Variants in ROR1 observed in about 807,000 individuals in gnomAD.
ROR1 encodes the protein ROR family WNT receptor 1, also known as inactive tyrosine-protein kinase transmembrane receptor ROR1.
ROR1 carries 19 observed loss-of-function variants against 78.8 expected under a neutral mutation model. The observed-to-expected ratio is 0.24, with a 90% CI of 0.17 to 0.35. ROR1 has a LOEUF of 0.35. Among genes scored for constraint, ROR1 ranks in the 10% least tolerant of loss-of-function variants. The pLI is 1.00. For missense variants in ROR1, 917 were observed against 1,177.8 expected, an observed-to-expected ratio of 0.78 and a Z score of 3.24; for synonymous variants, 386 against 433.6, an observed-to-expected ratio of 0.89 and a Z score of 1.36.
chr1:63,839,345 C>CATCTATCTATCT (rs36224861), intron 1 of ROR1, among the ~76,000 whole-genome samples: 26 of 147,058 alleles, frequency 1.8e-4, no homozygotes, highest in Admixed American at 3.4e-4. Flanking sequence ...GTCTCCATAT[C>CATCTATCTATCT]ATCTATCTAT....
chr1:64,180,433 T>A lies in ROR1; in HGVS notation c.*1578T>A, dbSNP rs1650519170. On this transcript the variant is annotated 3_prime_UTR_variant, in exon 9 of 9. Coordinates refer to ENST00000371079, the MANE Select transcript of ROR1 (RefSeq NM_005012.4). ...AAAAACACATTGATGTTTTCATTTT[T>A]AAAAAATACAACTAGCATGAGAAAT... 6.6e-6 allele frequency: 1 copy of A among 152,190 alleles called. No homozygotes were observed. The highest frequency in any genetic ancestry group is 2.4e-5 in the African/African-American group (1 of 41,452). 9.4% of individuals were successfully genotyped at this position (152,190 alleles called of 1,614,324 possible).
intron 1 of ROR1, among the ~76,000 whole-genome samples, chr1:64,005,211 G>T (rs1019147860): frequency 6.6e-6 from 1 of 152,210 alleles, no homozygotes; most frequent in Non-Finnish European, 1.5e-5. Flanking sequence ...ACTAGACAAA[G>T]GAGAGGTATG....
chr1:64,142,716 A>G (rs1363453431), intron 7 of ROR1, 66 bp downstream of exon 7: 1 of 1,588,420 alleles, frequency 6.3e-7, no homozygotes, highest in Non-Finnish European at 8.6e-7. Context: ...TACCCCTCTT[A>G]TTTAGGAGAA....
At chr1:64,143,962 G>A (rs1649409303) in intron 7 of ROR1, among the ~76,000 whole-genome samples, 1 of 152,198 alleles carries the variant, frequency 6.6e-6, no homozygotes, top group Non-Finnish European at 1.5e-5. Flanking sequence ...CTGTGGGAAG[G>A]ATGCAAGAGC....
intron 4 of ROR1, among the ~76,000 whole-genome samples, chr1:64,082,893 G>T (rs575505014): frequency 6.6e-6 from 1 of 152,214 alleles, no homozygotes; most frequent in South Asian, 2.1e-4. Flanking sequence ...CACAAACACT[G>T]CCCCCAGTAA....
chr1:63,854,146 G>T (rs943614830), intron 1 of ROR1, among the ~76,000 whole-genome samples: 1 of 152,180 alleles, frequency 6.6e-6, no homozygotes, highest in African/African-American at 2.4e-5. Flanking sequence ...GGAAATATCA[G>T]ATCACCAACC....
At chr1:64,105,288 C>T (rs1168862367) in intron 4 of ROR1, 1 of 151,968 alleles carries the variant, frequency 6.6e-6, no homozygotes, top group Non-Finnish European at 1.5e-5. Context: ...TATTTTTCAC[C>T]CACTTTTTGA....
chr1:63,847,475 C>A lies in ROR1; in HGVS notation c.91+72967C>A, dbSNP rs369396052. Among the ~76,000 whole-genome samples the A allele has an allele frequency of 1.6e-4, 24 of 152,188 alleles. No homozygotes were observed. In the South Asian group the frequency reaches 5.0e-3, roughly 32 times the overall value. ...CCCTTGGACAAGGGCCAGGGAGATT[C>A]ATCTCCCAGAGACTCCTGTGCTCTA... is the stretch of plus-strand genomic sequence containing the variant. On this transcript the variant is annotated intron_variant, in intron 1 of 8. Coordinates refer to ENST00000371079, the MANE Select transcript of ROR1 (RefSeq NM_005012.4).
chr1:63,837,420 G>A (rs1645024220), intron 1 of ROR1, among the ~76,000 whole-genome samples: 1 of 152,118 alleles, frequency 6.6e-6, no homozygotes, highest in African/African-American at 2.4e-5. Flanking sequence ...TGTAGTTTGT[G>A]TACCTATTCT....
intron 1 of ROR1, among the ~76,000 whole-genome samples, chr1:63,921,873 T>C (rs775884826): frequency 2.6e-5 from 4 of 152,114 alleles, no homozygotes; most frequent in South Asian, 4.1e-4. Context: ...CAAAAGCTCT[T>C]GGGAAAACCA....
intron 7 of ROR1, among the ~76,000 whole-genome samples, chr1:64,143,792 A>G (rs1006150513): frequency 6.6e-6 from 1 of 152,202 alleles, no homozygotes; most frequent in Admixed American, 6.5e-5. Context: ...AGGTCGGGAA[A>G]GTAACAGGAC....
chr1:63,850,142 T>C (rs1331414593), intron 1 of ROR1, among the ~76,000 whole-genome samples: 1 of 152,254 alleles, frequency 6.6e-6, no homozygotes, highest in Non-Finnish European at 1.5e-5. Flanking sequence ...ACTGTACCTG[T>C]CATACATCTT....
chr1:63,973,133 C>T (rs1646131664), intron 1 of ROR1, among the ~76,000 whole-genome samples: 1 of 152,208 alleles, frequency 6.6e-6, no homozygotes, highest in Non-Finnish European at 1.5e-5. Flanking sequence ...CACCTCTTTG[C>T]CCCTGCCCTC....
intron 1 of ROR1, among the ~76,000 whole-genome samples, chr1:63,931,615 T>C (rs892127490): frequency 1.3e-5 from 2 of 152,228 alleles, no homozygotes; most frequent in Non-Finnish European, 2.9e-5. Context: ...GCCTTCCTGC[T>C]TAGTTCTGCC....
At chr1:63,941,299 CTT>C (rs1645837655) in intron 1 of ROR1, among the ~76,000 whole-genome samples, 1 of 152,098 alleles carries the variant, frequency 6.6e-6, no homozygotes, top group Non-Finnish European at 1.5e-5. Context: ...GTATATGCAA[CTT>C]ATTCATCTGT....
At chr1:63,843,910 C>T (rs1557523159) in intron 1 of ROR1, among the ~76,000 whole-genome samples, 1 of 152,166 alleles carries the variant, frequency 6.6e-6, no homozygotes, top group Non-Finnish European at 1.5e-5. Context: ...CCTCCTGAGA[C>T]ATAAATCTGA....
intron 1 of ROR1, among the ~76,000 whole-genome samples, chr1:63,971,921 C>T (rs1646122619): frequency 6.6e-6 from 1 of 152,162 alleles, no homozygotes; most frequent in African/African-American, 2.4e-5. Flanking sequence ...CAGACCCTAG[C>T]CTGGCATTCA....
At chr1:64,143,020 A>G in intron 7 of ROR1, 1 of 1,096,816 alleles carries the variant, frequency 9.1e-7, no homozygotes, top group Non-Finnish European at 1.1e-6. Context: ...TGGAAGCAGG[A>G]AGAAATTGTT....
chr1:64,001,552 TGGGTGAA>T (rs1364355842), intron 1 of ROR1, among the ~76,000 whole-genome samples: 10 of 152,304 alleles, frequency 6.6e-5, no homozygotes, highest in Non-Finnish European at 1.5e-4. Flanking sequence ...TGGGAGAAAC[TGGGTGAA>T]GGGTGCAGAA....
Sources: allele counts gnomAD v4.1 joint callset (sites outside exome capture counted in the v4.1 genomes callset), GRCh38; gene constraint gnomAD v4.1.1; transcripts MANE v1.5; gene names NCBI Gene and HGNC (gene_info 2026-07-23, HGNC 2026-07-21).